ACO1: variants seen among roughly 807,000 people sequenced by gnomAD.
ACO1 encodes the protein cytoplasmic aconitate hydratase.
Under a neutral mutation model 105.1 loss-of-function variants are expected in ACO1, and 78 were observed. The ratio of observed to expected loss-of-function variants is 0.74; its 90% CI spans 0.62 to 0.90. The LOEUF is 0.90. Among genes scored for constraint, ACO1 ranks in the 40% least tolerant of loss-of-function variants. The probability of loss-of-function intolerance (pLI) is 0.00; values close to 1 mark genes in which losing one functional copy is unlikely to be tolerated. For synonymous variants in ACO1, 364 were observed against 397.4 expected (o/e 0.92, Z 1.00); for missense variants, 965 against 1,111.1 (o/e 0.87, Z 1.87).
rs988647864 is a variant in ACO1 at position 32,408,708 on chromosome 9, G to A, written c.404+57G>A. The A allele has an allele frequency of 1.5e-5, 24 of 1,574,100 alleles. No homozygotes were observed. The East Asian group carries it at 1.6e-4, about 10-fold the overall frequency. The stretch of plus-strand genomic sequence containing the variant: ...TGCTTTGTGCAAAATCTTTGAACAC[G>A]AATCTTTTTAAAATGTGTATATGTA... On this transcript the variant is annotated intron_variant, in intron 4 of 20. Transcript: ENST00000309951.
At chr9:32,406,526 G>C (rs1040240687) in intron 2 of ACO1, among the ~76,000 whole-genome samples, 2 of 152,172 alleles carry the variant, frequency 1.3e-5, no homozygotes, top group African/African-American at 4.8e-5. Flanking sequence ...AGGAGGCTGA[G>C]GTGGGAGAAT....
chr9:32,447,313 G>A (rs1483062181), intron 19 of ACO1, among the ~76,000 whole-genome samples: 1 of 151,904 alleles, frequency 6.6e-6, no homozygotes, highest in East Asian at 1.9e-4. Flanking sequence ...ATTTCATTGA[G>A]TTGATCTTCA....
At chr9:32,444,105 A>G (rs1426085677) in intron 19 of ACO1, among the ~76,000 whole-genome samples, 1 of 152,124 alleles carries the variant, frequency 6.6e-6, no homozygotes, top group Non-Finnish European at 1.5e-5. Context: ...TTTGCTGAGG[A>G]TGATGGTTTC....
intron 1 of ACO1, among the ~76,000 whole-genome samples, chr9:32,385,135 T>A (rs1434397802): frequency 6.6e-6 from 1 of 152,088 alleles, no homozygotes; most frequent in Non-Finnish European, 1.5e-5. Flanking sequence ...TTGCTAAAGT[T>A]GTGCGGGCAG....
chr9:32,425,313 T>C (rs553163483), intron 10 of ACO1, among the ~76,000 whole-genome samples: 1 of 152,342 alleles, frequency 6.6e-6, no homozygotes, highest in South Asian at 2.1e-4. Context: ...ATGATTAAGA[T>C]GTATGATGGA....
intron 15 of ACO1, among the ~76,000 whole-genome samples, chr9:32,433,175 C>T (rs546054653): frequency 5.3e-5 from 8 of 152,148 alleles, no homozygotes; most frequent in African/African-American, 1.9e-4. Context: ...GGATGTGAAT[C>T]CCAGGAGGCA....
intron 1 of ACO1, among the ~76,000 whole-genome samples, chr9:32,391,954 C>T (rs1013381801): frequency 1.1e-4 from 17 of 152,110 alleles, no homozygotes; most frequent in African/African-American, 3.4e-4. Context: ...GTTTCATAAA[C>T]CCTTATTTTC....
At chr9:32,394,803 T>C (rs1243712437) in intron 1 of ACO1, among the ~76,000 whole-genome samples, 3 of 152,182 alleles carry the variant, frequency 2.0e-5, no homozygotes, top group South Asian at 2.1e-4. Flanking sequence ...AGTAAATATA[T>C]GGGTTTGCAT....
At chr9:32,414,632 AT>A (rs1821810860) in intron 4 of ACO1, among the ~76,000 whole-genome samples, 1 of 152,192 alleles carries the variant, frequency 6.6e-6, no homozygotes, top group Non-Finnish European at 1.5e-5. Flanking sequence ...ATCATCAGTC[AT>A]GCTTCTGCTG....
intron 2 of ACO1, 40 bp downstream of exon 2, chr9:32,405,643 C>CT: frequency 2.9e-6 from 4 of 1,379,580 alleles, no homozygotes; most frequent in Non-Finnish European, 3.1e-6. Context: ...ATCTCATTTG[C>CT]ACAATGATTA....
At chr9:32,422,536 C>T (rs1000464026) in intron 8 of ACO1, among the ~76,000 whole-genome samples, 4 of 152,182 alleles carry the variant, frequency 2.6e-5, no homozygotes, top group Non-Finnish European at 1.5e-5. Flanking sequence ...TTCTAACCAT[C>T]AGAGAAATTG....
chr9:32,438,234 T>C (rs1284091413), intron 18 of ACO1, among the ~76,000 whole-genome samples: 1 of 152,192 alleles, frequency 6.6e-6, no homozygotes, highest in African/African-American at 2.4e-5. Flanking sequence ...TCTACACCCA[T>C]CAGACCATCA....
intron 1 of ACO1, among the ~76,000 whole-genome samples, chr9:32,385,773 G>C (rs1280746451): frequency 6.6e-6 from 1 of 152,158 alleles, no homozygotes; most frequent in African/African-American, 2.4e-5. Flanking sequence ...AAAAAAGCAA[G>C]TAACATTTTA....
chr9:32,421,084 A>C, intron 8 of ACO1, 57 bp downstream of exon 8: 1 of 1,569,862 alleles, frequency 6.4e-7, no homozygotes, highest in Middle Eastern at 1.7e-4. Context: ...TGAAACACCA[A>C]GAATCTGAGC....
Position 32,450,520 on chromosome 9 carries a change from C to T in ACO1, c.*409C>T. 1 of 282,010 alleles carries T rather than the reference C, an allele frequency of 3.5e-6. No individual in the cohort carries two copies. The highest frequency in any genetic ancestry group is 6.9e-6 in the Non-Finnish European group (1 of 144,106). The allele number at this position is 282,010 out of a possible 1,614,324, so 17.5% of individuals were successfully genotyped here. The stretch of plus-strand genomic sequence containing the variant: ...ACGCTCTGCTCAATGAAACCTTCCT[C>T]TTGAGGGTCATTTTCCTTTCTGTAT... On this transcript the variant is annotated 3_prime_UTR_variant, in exon 21 of 21. Transcript: ENST00000309951.
Position 32,451,759 on chromosome 9 carries a change from A to T in ACO1, c.*1648A>T, listed in dbSNP as rs1422714530. On this transcript the variant is annotated 3_prime_UTR_variant, in exon 21 of 21. Coordinates refer to ENST00000309951, the MANE Select transcript of ACO1 (RefSeq NM_002197.3). ...CTGGGGATCTTATTTATATTCATTT[A>T]AAAAATAAATTACAAACAAACAGCC... 6.6e-6 allele frequency: 1 copy of T among 152,182 alleles called. No homozygotes were observed. The highest frequency in any genetic ancestry group is 1.5e-5 in the Non-Finnish European group (1 of 68,042). The allele number at this position is 152,182 out of a possible 1,614,324, so 9.4% of individuals were successfully genotyped here.
rs1371937443 is a variant in ACO1 at position 32,454,330 on chromosome 9, G to T, written c.*4219G>T. 6.6e-6 allele frequency: 1 copy of T among 152,082 alleles called. No homozygotes were observed. The highest frequency in any genetic ancestry group is 1.9e-4 in the East Asian group (1 of 5,196). The allele number at this position is 152,082 out of a possible 1,614,324, so 9.4% of individuals were successfully genotyped here. ...AACATTGAGCTATGGTTGGTCTGTT[G>T]TTTGAAATTCAAATAATAATGAATC... On this transcript the variant is annotated 3_prime_UTR_variant, in exon 21 of 21. Coordinates refer to ENST00000309951, the MANE Select transcript of ACO1 (RefSeq NM_002197.3).
chr9:32,448,775 C>T (rs1200466742), intron 19 of ACO1, 121 bp from the exon 20 acceptor site: 1 of 979,394 alleles, frequency 1.0e-6, no homozygotes, highest in East Asian at 2.4e-5. Context: ...TCACTGGGAG[C>T]TGCAGACTGG....
At chr9:32,392,501 C>T (rs1350638459) in intron 1 of ACO1, among the ~76,000 whole-genome samples, 2 of 152,178 alleles carry the variant, frequency 1.3e-5, no homozygotes, top group Non-Finnish European at 2.9e-5. Flanking sequence ...AATGCCTGAA[C>T]ATTGCTGCTG....
Sources: allele counts gnomAD v4.1 joint callset (sites outside exome capture counted in the v4.1 genomes callset), GRCh38; gene constraint gnomAD v4.1.1; transcripts MANE v1.5; gene names NCBI Gene and HGNC (gene_info 2026-07-23, HGNC 2026-07-21).